Variants in RGS22 observed in about 807,000 individuals in gnomAD.
The protein encoded by RGS22 is regulator of G-protein signaling 22.
Under a neutral mutation model 172.9 loss-of-function variants are expected in RGS22, and 148 were observed. The observed-to-expected ratio is 0.86, with a 90% CI of 0.75 to 0.98. RGS22 has a LOEUF of 0.98. Ranked by LOEUF, RGS22 falls within the 50% of genes least tolerant of loss-of-function variation. The pLI is 0.00. For missense variants in RGS22, 1,347 were observed against 1,440.8 expected (o/e 0.93, Z 1.05); for synonymous variants, 458 against 480.2 (o/e 0.95, Z 0.60).
intron 20 of RGS22, among the ~76,000 whole-genome samples, chr8:99,990,456 G>A (rs28622940): frequency 0.18 from 26,790 of 151,908 alleles, 2,501 homozygotes; most frequent in South Asian, 0.23. Context: ...TTTCCTGGCC[G>A]TGGGATGGAC....
At chr8:99,974,668 G>A (rs1811734365) in intron 23 of RGS22, among the ~76,000 whole-genome samples, 1 of 150,788 alleles carries the variant, frequency 6.6e-6, no homozygotes, top group Non-Finnish European at 1.5e-5. Flanking sequence ...TGTGGCAACA[G>A]GTGCCTGTAA....
chr8:99,976,161 G>C lies in RGS22; in HGVS notation c.3519+1756C>G, dbSNP rs183909541. On this transcript the variant is annotated intron_variant, in intron 23 of 27. Transcript: ENST00000360863. ...GCTGAGATTGCACCACTGCACTCCA[G>C]CCTGGGTGACACAGCGAGACTCCAT... 1.0e-3 allele frequency among the ~76,000 whole-genome samples: 156 copies of C among 152,092 alleles called. 3 individuals carry two copies. In the East Asian group the frequency reaches 0.028, roughly 27 times the overall value.
At chr8:99,971,770 A>G (rs1038089283) in intron 23 of RGS22, among the ~76,000 whole-genome samples, 5 of 152,230 alleles carry the variant, frequency 3.3e-5, no homozygotes, top group African/African-American at 1.2e-4. Flanking sequence ...ATGGATAGGA[A>G]GAATCAGTAT....
intron 4 of RGS22, among the ~76,000 whole-genome samples, chr8:100,072,671 A>C (rs1346102852): frequency 6.6e-6 from 1 of 152,184 alleles, no homozygotes; most frequent in Admixed American, 6.5e-5. Flanking sequence ...GTTTAAAAAA[A>C]TGTTTTAACT....
rs765900375 is a variant in RGS22 at position 100,002,324 on chromosome 8, T to C, written c.2668A>G (p.Arg890Gly). Reference sequence around the variant, plus strand: ...TGATTTCGATCTCTGTAAGTTATTCTCCGGAACTGCTCAATGTCTGTCCAG... The same window carrying C: ...TGATTTCGATCTCTGTAAGTTATTCCCCGGAACTGCTCAATGTCTGTCCAG... ...MCWTDIEQFR[R>G]ITYRDRNQRK... is the part of the protein sequence containing the mutation. The change falls in exon 18 of 28, where the codon AGA becomes GGA. Residue 890 changes from arginine to glycine, a missense_variant. Coordinates refer to ENST00000360863, the MANE Select transcript of RGS22 (RefSeq NM_015668.5). 62 of 1,611,960 alleles carry C rather than the reference T, an allele frequency of 3.8e-5. 1 individual carries two copies. In the Middle Eastern group the frequency reaches 3.9e-3, roughly 101 times the overall value.
At chr8:100,104,362 A>ATT (rs112962010) in intron 2 of RGS22, among the ~76,000 whole-genome samples, 4 of 79,522 alleles carry the variant, frequency 5.0e-5, no homozygotes, top group African/African-American at 1.5e-4. Context: ...GTGTGTGTGT[A>ATT]TTTTTTTTTT....
At chr8:100,014,119 C>T (rs1192810354) in intron 14 of RGS22, among the ~76,000 whole-genome samples, 1 of 152,122 alleles carries the variant, frequency 6.6e-6, no homozygotes, top group African/African-American at 2.4e-5. Context: ...TAAATGCCCT[C>T]AACTTTCCTC....
At chr8:99,964,049 C>CCAT (rs1296152101) in intron 24 of RGS22, among the ~76,000 whole-genome samples, 4 of 150,846 alleles carry the variant, frequency 2.7e-5, no homozygotes, top group Non-Finnish European at 4.4e-5. Flanking sequence ...GTCATCACCA[C>CCAT]CATCATCATC....
chr8:99,992,673 C>G (rs1813890110), intron 20 of RGS22, among the ~76,000 whole-genome samples: 1 of 152,114 alleles, frequency 6.6e-6, no homozygotes, highest in African/African-American at 2.4e-5. Flanking sequence ...TAATGGGAGA[C>G]TTTAACACCC....
intron 11 of RGS22, among the ~76,000 whole-genome samples, chr8:100,046,787 G>A (rs1400860234): frequency 2.0e-5 from 3 of 151,648 alleles, no homozygotes; most frequent in Non-Finnish European, 4.4e-5. Flanking sequence ...GAGAGTCAAA[G>A]ACACTGGTAA....
At chr8:99,995,297 A>G (rs1814235919) in intron 20 of RGS22, among the ~76,000 whole-genome samples, 1 of 152,248 alleles carries the variant, frequency 6.6e-6, no homozygotes, top group Non-Finnish European at 1.5e-5. Context: ...GTTTCTGCAC[A>G]GCAAAAGAAA....
intron 14 of RGS22, among the ~76,000 whole-genome samples, chr8:100,021,047 T>C (rs1817550115): frequency 6.6e-6 from 1 of 152,212 alleles, no homozygotes; most frequent in Admixed American, 6.5e-5. Flanking sequence ...TTGTTAAACA[T>C]TTCTCATCAT....
intron 22 of RGS22, among the ~76,000 whole-genome samples, chr8:99,980,699 C>CT (rs1812459825): frequency 6.6e-6 from 1 of 152,162 alleles, no homozygotes; most frequent in South Asian, 2.1e-4. Context: ...AAGTCATAGG[C>CT]TAGAAGACTC....
chr8:100,098,840 T>C (rs1813194489), intron 2 of RGS22, among the ~76,000 whole-genome samples: 1 of 42,722 alleles, frequency 2.3e-5, no homozygotes, highest in Non-Finnish European at 3.8e-5. Context: ...CCCTTTTATT[T>C]TTTTATTTAT....
At chr8:100,057,502 G>T (rs747338016) in intron 9 of RGS22, among the ~76,000 whole-genome samples, 1 of 152,180 alleles carries the variant, frequency 6.6e-6, no homozygotes, top group Non-Finnish European at 1.5e-5. Context: ...CATGGGTCAT[G>T]GGAGGAACCC....
intron 3 of RGS22, among the ~76,000 whole-genome samples, chr8:100,083,843 T>G (rs1004125501): frequency 1.4e-5 from 2 of 147,782 alleles, no homozygotes; most frequent in African/African-American, 2.5e-5. Flanking sequence ...TTTTTTTTTT[T>G]TTTTTGTTTT....
At chr8:100,081,511 T>C (rs1244326935) in intron 3 of RGS22, among the ~76,000 whole-genome samples, 1 of 151,922 alleles carries the variant, frequency 6.6e-6, no homozygotes, top group East Asian at 1.9e-4. Context: ...GCCTTAGGAC[T>C]AAGAGTTTCT....
At chr8:100,088,782 C>T (rs545135221) in intron 3 of RGS22, among the ~76,000 whole-genome samples, 121 of 151,884 alleles carry the variant, frequency 8.0e-4, no homozygotes, top group Non-Finnish European at 1.4e-3. Flanking sequence ...TTCCTAGGCC[C>T]ATTTCTACCA....
chr8:99,986,222 C>A (rs1457375499), intron 21 of RGS22, among the ~76,000 whole-genome samples: 1 of 151,646 alleles, frequency 6.6e-6, no homozygotes, highest in Admixed American at 6.6e-5. Flanking sequence ...AAAATGAGAC[C>A]CTGTCTCAAA....
Sources: allele counts gnomAD v4.1 joint callset (sites outside exome capture counted in the v4.1 genomes callset), GRCh38; gene constraint gnomAD v4.1.1; transcripts MANE v1.5; gene names NCBI Gene and HGNC (gene_info 2026-07-23, HGNC 2026-07-21).